The following TSC22D1 variants were observed in gnomAD, a reference collection of about 807,000 sequenced individuals.
TSC22D1 encodes the protein TSC22 domain family protein 1.
In TSC22D1, 9 loss-of-function variants were observed where a neutral mutation model predicts 74.2. The ratio of observed to expected loss-of-function variants is 0.12; its 90% confidence interval spans 0.07 to 0.21. The LOEUF (loss-of-function observed/expected upper bound fraction) is 0.21. Ranked by LOEUF, TSC22D1 falls within the 10% of genes least tolerant of loss-of-function variation. The pLI is 1.00. For missense variants in TSC22D1, 1,427 were observed against 1,304.7 expected (o/e 1.09, Z -1.44); for synonymous variants, 586 against 492.5 (o/e 1.19, Z -2.51).
At chr13:44,542,182 C>T (rs895619701) in intron 1 of TSC22D1, among the ~76,000 whole-genome samples, 1 of 151,860 alleles carries the variant, frequency 6.6e-6, no homozygotes, top group Non-Finnish European at 1.5e-5. Flanking sequence ...CAATAGTTTT[C>T]CTTCAGTTCT....
At position 44,432,835 on chromosome 13, in the gene TSC22D1, G is replaced by C. The variant is rs956373956; in HGVS notation, c.*1791C>G. 2.0e-5 allele frequency: 3 copies of C among 152,146 alleles called. No individual in the cohort carries two copies. Among genetic ancestry groups the C allele is most frequent in the East Asian group, 1.9e-4 (1 of 5,184 alleles). 9.4% of individuals were successfully genotyped at this position (152,146 alleles called of 1,614,324 possible). A position where few individuals can be genotyped will look rare whatever the true frequency, so the allele number is the denominator to read the frequency against. On this transcript the variant is annotated 3_prime_UTR_variant, in exon 3 of 3. Transcript: ENST00000458659. ...CCACCCCATTCACTTGCTCGCTCAC[G>C]TTACTCCTACTGCAGAGTGGGATCC...
chr13:44,523,455 T>C (rs1158281870), intron 1 of TSC22D1, among the ~76,000 whole-genome samples: 1 of 152,014 alleles, frequency 6.6e-6, no homozygotes, highest in Admixed American at 6.5e-5. Flanking sequence ...TAATAAGAAA[T>C]GAGCTCCCAA....
In TSC22D1 at chr13:44,433,076, A is replaced by G. The variant is rs1874185100; in HGVS notation, c.*1550T>C. 2 of 152,260 alleles carry G rather than the reference A, an allele frequency of 1.3e-5. No homozygotes were observed. Among genetic ancestry groups the G allele is most frequent in the African/African-American group, 4.8e-5 (2 of 41,466 alleles). The allele number at this position is 152,260 out of a possible 1,614,324, so 9.4% of individuals were successfully genotyped here. Reference sequence around the variant, plus strand: ...GAGAAACATCCCAACCCAGGGTGACAGGGTTCTTAAAGTGGAAATCAGCTT... The same window carrying G: ...GAGAAACATCCCAACCCAGGGTGACGGGGTTCTTAAAGTGGAAATCAGCTT... On this transcript the variant is annotated 3_prime_UTR_variant, in exon 3 of 3. Coordinates refer to ENST00000458659, the MANE Select transcript of TSC22D1 (RefSeq NM_183422.4).
Position 44,537,504 on chromosome 13 carries a change from G to C in TSC22D1, c.2912+35659C>G, listed in dbSNP as rs538039604. 99 of 985,008 alleles carry C rather than the reference G, an allele frequency of 1.0e-4. No homozygotes were observed. The African/African-American group carries it at 1.6e-3, about 16-fold the overall frequency. The allele number at this position is 985,008 out of a possible 1,614,324, so 61.0% of individuals were successfully genotyped here. The stretch of plus-strand genomic sequence containing the variant: ...TATAATCTCACAGGCCACACAAAGC[G>C]GTTTCTACTGTGGTTCAAAGAGTTC... On this transcript the variant is annotated intron_variant, in intron 1 of 2. Transcript: ENST00000458659.
intron 1 of TSC22D1, among the ~76,000 whole-genome samples, chr13:44,460,346 CG>C (rs1566123725): frequency 6.6e-6 from 1 of 152,036 alleles, no homozygotes; most frequent in Non-Finnish European, 1.5e-5. Flanking sequence ...TTTTCAAATA[CG>C]AAAACCACCT....
chr13:44,434,381 A>C lies in TSC22D1; in HGVS notation c.*245T>G. 5 of 1,376,216 alleles carry C rather than the reference A, an allele frequency of 3.6e-6. No individual in the cohort carries two copies. In the South Asian group the frequency reaches 9.5e-5, roughly 26 times the overall value. 85.3% of individuals were successfully genotyped at this position (1,376,216 alleles called of 1,614,324 possible). ...ATTTCTCAGATATCTGCCAAGCTGCATGAGGTCCCGGTATATCCATGCTAA... is the reference window on the plus strand; with the variant it reads ...ATTTCTCAGATATCTGCCAAGCTGCCTGAGGTCCCGGTATATCCATGCTAA... On this transcript the variant is annotated 3_prime_UTR_variant, in exon 3 of 3. Transcript: ENST00000458659.
At chr13:44,477,409 T>G (rs1159503701) in intron 1 of TSC22D1, among the ~76,000 whole-genome samples, 1 of 152,168 alleles carries the variant, frequency 6.6e-6, no homozygotes, top group Non-Finnish European at 1.5e-5. Context: ...AAAATAAGAA[T>G]CCATTATTTT....
At chr13:44,455,453 T>G (rs1876507883) in intron 1 of TSC22D1, among the ~76,000 whole-genome samples, 1 of 152,258 alleles carries the variant, frequency 6.6e-6, no homozygotes, top group South Asian at 2.1e-4. Flanking sequence ...ACCATCATTA[T>G]GGTACACGGT....
At chr13:44,453,442 T>G (rs1282978202) in intron 1 of TSC22D1, among the ~76,000 whole-genome samples, 1 of 152,236 alleles carries the variant, frequency 6.6e-6, no homozygotes, top group Non-Finnish European at 1.5e-5. Context: ...TTATGCATAC[T>G]TTAAGTTGAT....
At chr13:44,552,051 C>A (rs959778341) in intron 1 of TSC22D1, among the ~76,000 whole-genome samples, 1 of 152,188 alleles carries the variant, frequency 6.6e-6, no homozygotes. Context: ...TAGCTGTTAT[C>A]CCCACATGAA....
At chr13:44,477,974 CAGA>C (rs1183825141) in intron 1 of TSC22D1, among the ~76,000 whole-genome samples, 18 of 152,070 alleles carry the variant, frequency 1.2e-4, no homozygotes, top group African/African-American at 3.9e-4. Flanking sequence ...CCTTAAGAGA[CAGA>C]AGAAGAGACC....
chr13:44,465,703 T>G (rs374893609), intron 1 of TSC22D1, among the ~76,000 whole-genome samples: 2 of 152,210 alleles, frequency 1.3e-5, no homozygotes. Flanking sequence ...CCAGGCACAG[T>G]GGCTCACGCC....
intron 1 of TSC22D1, among the ~76,000 whole-genome samples, chr13:44,565,633 G>A (rs1024226518): frequency 6.6e-6 from 1 of 152,166 alleles, no homozygotes; most frequent in African/African-American, 2.4e-5. Flanking sequence ...TAACAAAAGT[G>A]AGACGGCAAA....
At chr13:44,496,198 A>C (rs1213793335) in intron 1 of TSC22D1, among the ~76,000 whole-genome samples, 1 of 152,204 alleles carries the variant, frequency 6.6e-6, no homozygotes, top group African/African-American at 2.4e-5. Flanking sequence ...AAGATATACA[A>C]ATGGCTGACA....
intron 1 of TSC22D1, among the ~76,000 whole-genome samples, chr13:44,472,760 T>C (rs1232330394): frequency 6.6e-6 from 1 of 152,206 alleles, no homozygotes; most frequent in Non-Finnish European, 1.5e-5. Context: ...CAGTGAGCCA[T>C]GACCTAATCT....
intron 1 of TSC22D1, among the ~76,000 whole-genome samples, chr13:44,447,112 A>G (rs959908712): frequency 4.7e-5 from 7 of 149,156 alleles, no homozygotes; most frequent in African/African-American, 1.7e-4. Flanking sequence ...TCTAATTTCT[A>G]TTTCTATGAA....
intron 1 of TSC22D1, among the ~76,000 whole-genome samples, chr13:44,440,587 C>CAAAAAAAAAAAA (rs67344848): frequency 1.5e-5 from 1 of 68,264 alleles, no homozygotes; most frequent in Non-Finnish European, 2.7e-5. Context: ...GGCTCTGTCT[C>CAAAAAAAAAAAA]AAAAAAAAAA....
chr13:44,485,166 G>A (rs17065871), intron 1 of TSC22D1, among the ~76,000 whole-genome samples: 2,665 of 152,124 alleles, frequency 0.018, 67 homozygotes, highest in African/African-American at 0.06. Flanking sequence ...CAAGACAATA[G>A]TTAGAAAATA....
At chr13:44,470,354 C>T (rs150451582) in intron 1 of TSC22D1, among the ~76,000 whole-genome samples, 81 of 152,210 alleles carry the variant, frequency 5.3e-4, no homozygotes, top group African/African-American at 1.9e-3. Flanking sequence ...CCAATAAAGG[C>T]ATAAACTGCC....
Sources: gnomAD v4.1 joint callset for allele counts (sites outside exome capture counted in the v4.1 genomes callset) on GRCh38, gnomAD v4.1.1 for gene constraint, MANE v1.5 for transcripts, NCBI Gene and HGNC (gene_info 2026-07-23, HGNC 2026-07-21) for gene names.